The following POU6F2 variants were observed in gnomAD, a reference collection of about 807,000 sequenced individuals.
POU6F2 encodes POU domain, class 6, transcription factor 2.
POU6F2 carries 31 observed loss-of-function variants against 71.3 expected under a neutral mutation model. That is an observed-to-expected ratio of 0.43 (90% CI 0.33 to 0.59). The LOEUF (loss-of-function observed/expected upper bound fraction) is 0.59. Ranked by LOEUF, POU6F2 falls within the 20% of genes least tolerant of loss-of-function variation. POU6F2 has a pLI of 0.04. For synonymous variants in POU6F2, 347 were observed against 355.7 expected (o/e 0.98, Z 0.27); for missense variants, 783 against 856.8 (o/e 0.91, Z 1.07).
chr7:39,393,836 A>T (rs770240502), intron 5 of POU6F2, among the ~76,000 whole-genome samples: 1 of 152,214 alleles, frequency 6.6e-6, no homozygotes, highest in East Asian at 1.9e-4. Flanking sequence ...CAAAGATATT[A>T]TGCATAACAT....
intron 1 of POU6F2, among the ~76,000 whole-genome samples, chr7:39,005,506 GT>G (rs1290627925): frequency 6.6e-6 from 1 of 151,718 alleles, no homozygotes; most frequent in East Asian, 1.9e-4. Context: ...GTGTGTGTGT[GT>G]GTGTGTGTTT....
At chr7:39,306,931 G>A (rs868068869) in intron 4 of POU6F2, among the ~76,000 whole-genome samples, 3 of 152,230 alleles carry the variant, frequency 2.0e-5, no homozygotes, top group Admixed American at 6.5e-5. Flanking sequence ...GTTTGTAATG[G>A]GCTTTACTAT....
chr7:38,987,138 G>T (rs1445072169), intron 1 of POU6F2, among the ~76,000 whole-genome samples: 1 of 152,160 alleles, frequency 6.6e-6, no homozygotes, highest in Non-Finnish European at 1.5e-5. Context: ...TGTCTCCTGA[G>T]AGAAGGTTAA....
At chr7:39,067,518 C>A (rs1022589524) in intron 1 of POU6F2, among the ~76,000 whole-genome samples, 1 of 151,840 alleles carries the variant, frequency 6.6e-6, no homozygotes, top group African/African-American at 2.4e-5. Context: ...GGGATGCATA[C>A]AATTTGGAAT....
chr7:39,144,702 C>G (rs960343982), intron 2 of POU6F2, among the ~76,000 whole-genome samples: 1 of 152,204 alleles, frequency 6.6e-6, no homozygotes, highest in South Asian at 2.1e-4. Flanking sequence ...CGGGAATCAT[C>G]AACTATCTTT....
chr7:39,170,765 A>G (rs968962018), intron 2 of POU6F2, among the ~76,000 whole-genome samples: 1 of 152,054 alleles, frequency 6.6e-6, no homozygotes, highest in Non-Finnish European at 1.5e-5. Context: ...AAGAAAAGAT[A>G]AATGTTTGAG....
At chr7:39,199,373 C>T (rs1793848960) in intron 2 of POU6F2, among the ~76,000 whole-genome samples, 1 of 152,090 alleles carries the variant, frequency 6.6e-6, no homozygotes, top group Non-Finnish European at 1.5e-5. Context: ...AGAGTCAACT[C>T]CAAAAAGAGG....
Position 39,042,542 on chromosome 7 carries a change from T to A in POU6F2, c.106-43318T>A, listed in dbSNP as rs139458498. Among the ~76,000 whole-genome samples, 461 of 152,110 alleles carry A rather than the reference T, an allele frequency of 3.0e-3. 2 individuals carry two copies. The highest frequency in any genetic ancestry group is 0.015 in the South Asian group (70 of 4,822). On this transcript the variant is annotated intron_variant, in intron 1 of 9. Transcript: ENST00000518318. ...CCCTGCTGCCAACCCATGTTTGACA[T>A]GTAGCATGAACAAGAAAAAAATGCT...
rs550158174 is a variant in POU6F2 at position 39,038,274 on chromosome 7, T to C, written c.106-47586T>C. The stretch of plus-strand genomic sequence containing the variant: ...TTTGGTATACTATACTTTTCCATCA[T>C]TTATGTCACCTAGTTTTCATTGTAT... On this transcript the variant is annotated intron_variant, in intron 1 of 9. Transcript: ENST00000518318. 4.6e-5 allele frequency among the ~76,000 whole-genome samples: 7 copies of C among 152,142 alleles called. No individual in the cohort carries two copies. In the South Asian group the frequency reaches 1.5e-3, roughly 32 times the overall value.
intron 5 of POU6F2, among the ~76,000 whole-genome samples, chr7:39,395,155 C>T (rs1787147863): frequency 1.3e-5 from 2 of 152,326 alleles, no homozygotes; most frequent in African/African-American, 4.8e-5. Flanking sequence ...GTCCCTCCAT[C>T]ATTGCCTATG....
chr7:39,099,968 G>C (rs577600462), intron 2 of POU6F2, among the ~76,000 whole-genome samples: 46 of 152,320 alleles, frequency 3.0e-4, no homozygotes, highest in African/African-American at 8.4e-4. Context: ...TAGATGTAGA[G>C]AGCATAAGCT....
intron 5 of POU6F2, among the ~76,000 whole-genome samples, chr7:39,389,919 T>G (rs543419512): frequency 1.3e-5 from 2 of 152,318 alleles, no homozygotes; most frequent in African/African-American, 4.8e-5. Context: ...AATCCCCACC[T>G]ACTGCTGAGA....
intron 4 of POU6F2, among the ~76,000 whole-genome samples, chr7:39,269,330 C>G (rs554620387): frequency 6.6e-6 from 1 of 152,144 alleles, no homozygotes; most frequent in East Asian, 1.9e-4. Flanking sequence ...CTCATTTCAG[C>G]GTGATGTTGA....
chr7:39,009,943 T>C (rs1180321871), intron 1 of POU6F2, among the ~76,000 whole-genome samples: 1 of 151,976 alleles, frequency 6.6e-6, no homozygotes, highest in East Asian at 1.9e-4. Context: ...TATTGAGGAT[T>C]TTTGCATCGA....
intron 1 of POU6F2, among the ~76,000 whole-genome samples, chr7:39,067,133 A>C (rs1236898992): frequency 6.7e-6 from 1 of 150,126 alleles, no homozygotes; most frequent in African/African-American, 2.4e-5. Flanking sequence ...ATATGGTTCA[A>C]AAATAGACCT....
chr7:39,285,169 C>T (rs766571298), intron 4 of POU6F2, among the ~76,000 whole-genome samples: 1 of 152,198 alleles, frequency 6.6e-6, no homozygotes, highest in Admixed American at 6.5e-5. Flanking sequence ...TCTAATTTGT[C>T]ACAACTGTAT....
chr7:39,053,062 A>G (rs867352981), intron 1 of POU6F2, among the ~76,000 whole-genome samples: 7 of 152,228 alleles, frequency 4.6e-5, no homozygotes, highest in South Asian at 2.1e-4. Context: ...GGTGTGGGGT[A>G]TATTGAAGAA....
chr7:38,980,420 A>C (rs1305933640), intron 1 of POU6F2, among the ~76,000 whole-genome samples: 1 of 152,226 alleles, frequency 6.6e-6, no homozygotes, highest in African/African-American at 2.4e-5. Flanking sequence ...TAGAAATATA[A>C]AAAAGAAAGG....
intron 2 of POU6F2, among the ~76,000 whole-genome samples, chr7:39,179,519 GCGCGCACA>G (rs1303559839): frequency 5.3e-5 from 8 of 151,392 alleles, no homozygotes; most frequent in African/African-American, 1.9e-4. Context: ...GAGACCGCAC[GCGCGCACA>G]TGCGCGCACA....
Sources: allele counts gnomAD v4.1 joint callset (sites outside exome capture counted in the v4.1 genomes callset), GRCh38; gene constraint gnomAD v4.1.1; transcripts MANE v1.5; gene names NCBI Gene and HGNC (gene_info 2026-07-23, HGNC 2026-07-21).